Variants in USP15 observed in about 807,000 individuals in gnomAD.
USP15 encodes ubiquitin specific peptidase 15.
A neutral mutation model predicts 127.1 loss-of-function variants in USP15; 18 were observed. That is an observed-to-expected ratio of 0.14 (90% CI 0.10 to 0.21). The LOEUF is 0.21. Ranked by LOEUF, USP15 falls within the 10% of genes least tolerant of loss-of-function variation. The pLI is 1.00. For synonymous variants in USP15, 364 were observed against 393.7 expected, an observed-to-expected ratio of 0.92 and a Z score of 0.89; for missense variants, 805 against 1,159.9, an observed-to-expected ratio of 0.69 and a Z score of 4.44.
intron 8 of USP15, among the ~76,000 whole-genome samples, chr12:62,370,251 C>T (rs1041241470): frequency 2.0e-5 from 3 of 152,142 alleles, no homozygotes; most frequent in Admixed American, 2.0e-4. Context: ...CTTTTAACCT[C>T]ACCTCTTCAC....
At chr12:62,302,745 C>A in intron 2 of USP15, 45 bp from the exon 3 acceptor site, 1 of 1,558,780 alleles carries the variant, frequency 6.4e-7, no homozygotes. Context: ...TGTGTCCAAA[C>A]AAAGTATTTA....
intron 1 of USP15, among the ~76,000 whole-genome samples, chr12:62,264,124 G>A (rs2063140339): frequency 6.6e-6 from 1 of 152,228 alleles, no homozygotes; most frequent in African/African-American, 2.4e-5. Context: ...AGCTGGGCCT[G>A]CAGGCACATG....
At chr12:62,347,281 A>G (rs2065847080) in intron 6 of USP15, among the ~76,000 whole-genome samples, 1 of 151,672 alleles carries the variant, frequency 6.6e-6, no homozygotes, top group Non-Finnish European at 1.5e-5. Flanking sequence ...AGATGAGAAG[A>G]AAAAGAAAAA....
intron 2 of USP15, among the ~76,000 whole-genome samples, chr12:62,296,618 C>T (rs1245031470): frequency 6.6e-6 from 1 of 152,078 alleles, no homozygotes; most frequent in Non-Finnish European, 1.5e-5. Flanking sequence ...GTCCCAGCCC[C>T]CAACACCCAA....
chr12:62,323,526 T>A (rs1372263710), intron 5 of USP15, among the ~76,000 whole-genome samples: 1 of 152,178 alleles, frequency 6.6e-6, no homozygotes, highest in Admixed American at 6.6e-5. Flanking sequence ...AAATCCAATA[T>A]GTATTACAGT....
At chr12:62,389,216 C>T (rs1043968281) in intron 11 of USP15, among the ~76,000 whole-genome samples, 1 of 151,832 alleles carries the variant, frequency 6.6e-6, no homozygotes, top group Non-Finnish European at 1.5e-5. Context: ...TGAATTAATG[C>T]AAGTGTCTTT....
At chr12:62,271,449 TA>T (rs1164597562) in intron 1 of USP15, among the ~76,000 whole-genome samples, 1 of 152,024 alleles carries the variant, frequency 6.6e-6, no homozygotes, top group Non-Finnish European at 1.5e-5. Context: ...TGCTCGTTAT[TA>T]TTCGAAGTTT....
In USP15 at chr12:62,328,304, A is replaced by G. The variant is rs1431074686; in HGVS notation, c.683+2371A>G. The G allele has an allele frequency of 1.5e-5, 7 of 454,194 alleles. No homozygotes were observed. In the East Asian group the frequency reaches 3.5e-4, roughly 23 times the overall value. The allele number at this position is 454,194 out of a possible 1,614,324, so 28.1% of individuals were successfully genotyped here. On this transcript the variant is annotated intron_variant, in intron 6 of 21. Coordinates refer to ENST00000280377, the MANE Select transcript of USP15 (RefSeq NM_001252078.2). ...TTAAATGTTTTCAGCTTTGTGGGCC[A>G]TATGGTCTCTGTCATAACTATAACT...
intron 8 of USP15, among the ~76,000 whole-genome samples, chr12:62,365,171 C>T (rs1008702502): frequency 4.6e-5 from 7 of 152,194 alleles, no homozygotes; most frequent in Non-Finnish European, 1.0e-4. Context: ...TACACTCCCA[C>T]CAACAGTGTA....
rs1189479675 is a variant in USP15 at position 62,389,957 on chromosome 12, A to G, written c.1813A>G (p.Lys605Glu). 1 of 1,611,274 alleles carries G rather than the reference A, an allele frequency of 6.2e-7. No individual in the cohort carries two copies. Among genetic ancestry groups the G allele is most frequent in the Non-Finnish European group, 8.5e-7 (1 of 1,178,764 alleles). Residue 605 changes from lysine to glutamate, a missense_variant, in exon 14 of 22, where the codon AAA becomes GAA. Lys to Glu is a moderately conservative substitution (Grantham distance 56). Coordinates refer to ENST00000280377, the MANE Select transcript of USP15 (RefSeq NM_001252078.2). Reference protein sequence around the residue: ...MAVPRNNTEDKLYNLLLLRMC... With the variant: ...MAVPRNNTEDELYNLLLLRMC... ...TGTACCACGAAACAATACTGAAGAC[A>G]AACTTTATAATCTCCTGCTCTTGAG...
chr12:62,381,387 C>T (rs1215088093), intron 8 of USP15, 103 bp from the exon 9 acceptor site: 5 of 976,882 alleles, frequency 5.1e-6, no homozygotes, highest in Non-Finnish European at 4.3e-6. Flanking sequence ...TAAATGTTCT[C>T]TGTGTTATAG....
rs185137218 is a variant in USP15 at position 62,266,741 on chromosome 12, T to C, written c.89+6238T>C. Among the ~76,000 whole-genome samples the C allele has an allele frequency of 7.9e-5, 12 of 152,218 alleles. No individual in the cohort carries two copies. In the East Asian group the frequency reaches 2.3e-3, roughly 29 times the overall value. On this transcript the variant is annotated intron_variant, in intron 1 of 21. Transcript: ENST00000280377. ...CAAAAGAAGGACCAAAATATATATA[T>C]TTATATGACTTATAGATGAGGAATC...
chr12:62,351,774 G>T (rs1331995912), intron 7 of USP15, among the ~76,000 whole-genome samples: 1 of 151,892 alleles, frequency 6.6e-6, no homozygotes, highest in Non-Finnish European at 1.5e-5. Flanking sequence ...ATAGCGAATA[G>T]TCACTGAGGT....
At chr12:62,399,252 A>G (rs2067599251) in intron 20 of USP15, among the ~76,000 whole-genome samples, 1 of 152,190 alleles carries the variant, frequency 6.6e-6, no homozygotes, top group Non-Finnish European at 1.5e-5. Flanking sequence ...ATGCACAGCA[A>G]CAGCTTAGCA....
intron 9 of USP15, 111 bp downstream of exon 9, chr12:62,381,774 C>A: frequency 3.0e-6 from 3 of 996,076 alleles, no homozygotes; most frequent in Non-Finnish European, 4.3e-6. Context: ...TGTGGCCCTC[C>A]AAAGGAACAC....
Position 62,391,423 on chromosome 12 carries a change from C to A in USP15, c.2227C>A (p.Leu743Ile). The change falls in exon 16 of 22, where the codon CTA (leucine) becomes ATA (isoleucine). Residue 743 changes from leucine (L) to isoleucine (I), a missense_variant. Around this residue, in one of 11 missense-constraint regions of USP15, gnomAD observed 225 missense variants for 239.5 expected, o/e 0.94. Transcript: ENST00000280377. Reference protein sequence around the residue: ...HIRFDDRQLRLDERSFLALDW... With the variant: ...HIRFDDRQLRIDERSFLALDW... ...AAGATTTGATGATAGGCAGCTTAGG[C>A]TAGATGGTAAGTATTTGTGAAAAAT... The A allele has an allele frequency of 6.2e-7, 1 of 1,602,356 alleles. No homozygotes were observed. Among genetic ancestry groups the A allele is most frequent in the Non-Finnish European group, 8.5e-7 (1 of 1,176,322 alleles).
At chr12:62,275,391 A>AC (rs148062638) in intron 1 of USP15, among the ~76,000 whole-genome samples, 15 of 148,002 alleles carry the variant, frequency 1.0e-4, no homozygotes, top group Admixed American at 5.5e-4. Flanking sequence ...GAGGAGTATC[A>AC]CCCCCCCACC....
chr12:62,352,731 A>C (rs1368489052), intron 7 of USP15, among the ~76,000 whole-genome samples: 2 of 152,008 alleles, frequency 1.3e-5, no homozygotes, highest in South Asian at 4.1e-4. Context: ...GGGCATAATT[A>C]TAGTTTTGAG....
intron 8 of USP15, among the ~76,000 whole-genome samples, chr12:62,369,820 A>G (rs970583984): frequency 6.6e-6 from 1 of 152,228 alleles, no homozygotes; most frequent in Non-Finnish European, 1.5e-5. Flanking sequence ...TAATATTAAT[A>G]GTAGAATGAA....
Sources: gnomAD v4.1 joint callset for allele counts (sites outside exome capture counted in the v4.1 genomes callset) on GRCh38, gnomAD v4.1.1 for gene constraint, gnomAD v4.1.1 regional missense constraint, MANE v1.5 for transcripts, NCBI Gene and HGNC (gene_info 2026-07-23, HGNC 2026-07-21) for gene names.